ITGA4: variants seen among roughly 807,000 people sequenced by gnomAD.
ITGA4 encodes integrin alpha-4.
ITGA4 carries 63 observed loss-of-function variants against 133.6 expected under a neutral mutation model. That is an observed-to-expected ratio of 0.47 (90% CI 0.38 to 0.58). The LOEUF is 0.58. Among genes scored for constraint, ITGA4 ranks in the 20% least tolerant of loss-of-function variants. ITGA4 has a pLI of 0.00. For synonymous variants in ITGA4, 483 were observed against 438.0 expected (o/e 1.10, Z -1.28); for missense variants, 1,076 against 1,252.7 (o/e 0.86, Z 2.13).
In ITGA4 at chr2:181,511,786, G is replaced by T. The variant is rs749164663; in HGVS notation, c.1922+11G>T. On this transcript the variant is annotated intron_variant, in intron 17 of 27. Coordinates refer to ENST00000397033, the MANE Select transcript of ITGA4 (RefSeq NM_000885.6). ...GATTGGGTTTTTGAAGTAAGTATAT[G>T]TGGTATATAGTCTCTGTTATTCATC... The T allele has an allele frequency of 6.1e-6, 8 of 1,311,828 alleles. No individual in the cohort carries two copies. In the South Asian group the frequency reaches 9.6e-5, roughly 16 times the overall value. The allele number at this position is 1,311,828 out of a possible 1,614,324, so 81.3% of individuals were successfully genotyped here. A position where few individuals can be genotyped will look rare whatever the true frequency, so the allele number is the denominator to read the frequency against.
At chr2:181,467,746 T>C (rs1357297836) in intron 2 of ITGA4, among the ~76,000 whole-genome samples, 1 of 152,228 alleles carries the variant, frequency 6.6e-6, no homozygotes, top group East Asian at 1.9e-4. Context: ...GGAATATTTC[T>C]AGAGTTCTAT....
At chr2:181,477,306 C>T (rs538322001) in intron 4 of ITGA4, among the ~76,000 whole-genome samples, 1 of 151,896 alleles carries the variant, frequency 6.6e-6, no homozygotes, top group Non-Finnish European at 1.5e-5. Flanking sequence ...TTAGTCTAGG[C>T]AATGAGTTTT....
At chr2:181,467,865 T>C (rs1327471173) in intron 2 of ITGA4, among the ~76,000 whole-genome samples, 3 of 152,196 alleles carry the variant, frequency 2.0e-5, no homozygotes, top group Non-Finnish European at 4.4e-5. Flanking sequence ...CAATTTTCTC[T>C]TCTGTAGGGT....
chr2:181,479,156 T>C (rs1221139258), intron 5 of ITGA4: 2 of 171,720 alleles, frequency 1.2e-5, no homozygotes, highest in Non-Finnish European at 2.5e-5. Flanking sequence ...AAGTATGTTA[T>C]TTTAAATTTC....
At chr2:181,483,788 C>A (rs543497635) in intron 9 of ITGA4, among the ~76,000 whole-genome samples, 1 of 152,188 alleles carries the variant, frequency 6.6e-6, no homozygotes, top group Non-Finnish European at 1.5e-5. Context: ...GTACTTGCTA[C>A]ATCCTCGTGC....
Position 181,534,914 on chromosome 2 carries a change from G to A in ITGA4, c.2982G>A (p.Leu994=). Residue 994 remains leucine, a synonymous_variant, in exon 27 of 28, where the codon TTG becomes TTA. Coordinates refer to ENST00000397033, the MANE Select transcript of ITGA4 (RefSeq NM_000885.6). ...TACTTGGACTTATTGTACTTCTATT[G>A]ATCTCATATGTTATGTGGAAGGTAA... is the stretch of plus-strand genomic sequence containing the variant. ...SLLLGLIVLL[L]ISYVMWKAGF... 1 of 1,582,170 alleles carries A rather than the reference G, an allele frequency of 6.3e-7. No individual in the cohort carries two copies. The highest frequency in any genetic ancestry group is 1.2e-5 in the South Asian group (1 of 84,632).
In ITGA4 at chr2:181,458,096, G is replaced by T. The variant is rs773690250; in HGVS notation, c.198-100G>T. 5.7e-5 allele frequency: 86 copies of T among 1,517,530 alleles called. No homozygotes were observed. The Middle Eastern group carries it at 7.0e-4, about 12-fold the overall frequency. 94.0% of individuals were successfully genotyped at this position (1,517,530 alleles called of 1,614,324 possible). ...GGGGGTGGTGGGCGGAGGAGGAGGT[G>T]GGGAAGCTGCCCTGCTGCGGACTGC... is the stretch of plus-strand genomic sequence containing the variant. On this transcript the variant is annotated intron_variant, in intron 1 of 27. Coordinates refer to ENST00000397033, the MANE Select transcript of ITGA4 (RefSeq NM_000885.6).
rs1686059015 is a variant in ITGA4, at chr2:181,492,066, A to C, written c.1154-1259A>C. Among the ~76,000 whole-genome samples, 3 of 152,146 alleles carry C rather than the reference A, an allele frequency of 2.0e-5. No individual in the cohort carries two copies. In the South Asian group the frequency reaches 6.2e-4, roughly 31 times the overall value. ...TGTTATTAGTCTATTCTTACTTGCCATTCCTCCCCACTAGACAATGAGTTT... is the reference window on the plus strand; with the variant it reads ...TGTTATTAGTCTATTCTTACTTGCCCTTCCTCCCCACTAGACAATGAGTTT... On this transcript the variant is annotated intron_variant, in intron 10 of 27. Coordinates refer to ENST00000397033, the MANE Select transcript of ITGA4 (RefSeq NM_000885.6).
chr2:181,509,476 G>A (rs968797855), intron 15 of ITGA4, among the ~76,000 whole-genome samples, 182 bp from the exon 16 acceptor site: 5 of 151,892 alleles, frequency 3.3e-5, no homozygotes, highest in African/African-American at 7.3e-5. Context: ...CATAAGAAAC[G>A]TAAATGATTT....
intron 25 of ITGA4, among the ~76,000 whole-genome samples, chr2:181,533,022 CAAAT>C (rs940639579): frequency 9.2e-5 from 14 of 151,780 alleles, no homozygotes; most frequent in South Asian, 6.3e-4. Flanking sequence ...TTCATAAAAT[CAAAT>C]AAAATCAAAA....
chr2:181,500,099 C>T (rs1400549359), intron 15 of ITGA4, among the ~76,000 whole-genome samples: 3 of 152,146 alleles, frequency 2.0e-5, no homozygotes, highest in African/African-American at 4.8e-5. Context: ...GCCTTTGTAC[C>T]ATATTGCAAA....
chr2:181,479,607 TCTC>T (rs1292218393), intron 5 of ITGA4: 5 of 152,120 alleles, frequency 3.3e-5, no homozygotes, highest in African/African-American at 9.7e-5. Context: ...ATTCCAATCT[TCTC>T]CTAAATTTTC....
At chr2:181,527,267 G>T (rs1473007160) in intron 21 of ITGA4, 30 bp from the exon 22 acceptor site, 1 of 1,264,014 alleles carries the variant, frequency 7.9e-7, no homozygotes, top group Non-Finnish European at 1.2e-6. Flanking sequence ...GAATAAGACA[G>T]TTAATTAAAT....
rs1314597584 is a variant in ITGA4, at chr2:181,536,862, A to C, written c.*1335A>C. On this transcript the variant is annotated 3_prime_UTR_variant, in exon 28 of 28. Transcript: ENST00000397033. The stretch of plus-strand genomic sequence containing the variant: ...TGCCTTCATAAGAGAGCTGTGGCCG[A>C]ATTTTGAACATCTGTTATAGGGAGT... The C allele has an allele frequency of 2.5e-5, 11 of 432,090 alleles. No individual in the cohort carries two copies. Among genetic ancestry groups the C allele is most frequent in the African/African-American group, 2.0e-4 (10 of 49,392 alleles). 26.8% of individuals were successfully genotyped at this position (432,090 alleles called of 1,614,324 possible). A position where few individuals can be genotyped will look rare whatever the true frequency, so the allele number is the denominator to read the frequency against.
intron 15 of ITGA4, among the ~76,000 whole-genome samples, chr2:181,504,494 AAAG>A (rs1348633754): frequency 2.0e-5 from 3 of 152,068 alleles, no homozygotes; most frequent in Non-Finnish European, 4.4e-5. Flanking sequence ...CATTTACTCC[AAAG>A]AAGAAATTTT....
chr2:181,537,907 C>G lies in ITGA4; in HGVS notation c.*2380C>G. On this transcript the variant is annotated 3_prime_UTR_variant, in exon 28 of 28. Transcript: ENST00000397033. ...AATGGAGCATTACTGAGTTCCTCCC[C>G]CTGTCAGATCAGCAGCAGCATTAGA... 2 of 568,964 alleles carry G rather than the reference C, an allele frequency of 3.5e-6. No individual in the cohort carries two copies. The highest frequency in any genetic ancestry group is 6.7e-6 in the Non-Finnish European group (2 of 300,180). 35.2% of individuals were successfully genotyped at this position (568,964 alleles called of 1,614,324 possible).
Position 181,536,688 on chromosome 2 carries a change from A to AATATTTTTAT in ITGA4, c.*1163_*1172dup, listed in dbSNP as rs1237087584. ...ACAGCAAAATTTTCATGAAATGTAA[A>AATATTTTTAT]ATATTTTTATAGTTTGTTCATACTA... On this transcript the variant is annotated 3_prime_UTR_variant, in exon 28 of 28. Coordinates refer to ENST00000397033, the MANE Select transcript of ITGA4 (RefSeq NM_000885.6). 5.7e-6 allele frequency: 1 copy of AATATTTTTAT among 175,946 alleles called. No homozygotes were observed. The highest frequency in any genetic ancestry group is 1.2e-5 in the Non-Finnish European group (1 of 81,808). 10.9% of individuals were successfully genotyped at this position (175,946 alleles called of 1,614,324 possible).
intron 2 of ITGA4, among the ~76,000 whole-genome samples, chr2:181,472,072 A>G (rs1685566925): frequency 6.6e-6 from 1 of 152,228 alleles, no homozygotes; most frequent in Non-Finnish European, 1.5e-5. Flanking sequence ...GAAAGTGAGT[A>G]GTTTGTGGTG....
chr2:181,488,582 G>A (rs1291927668), intron 10 of ITGA4, among the ~76,000 whole-genome samples: 1 of 149,474 alleles, frequency 6.7e-6, no homozygotes, highest in Admixed American at 6.6e-5. Context: ...TTTTTGAGAT[G>A]GAGTCTCGCT....
Sources: gnomAD v4.1 joint callset for allele counts (sites outside exome capture counted in the v4.1 genomes callset) on GRCh38, gnomAD v4.1.1 for gene constraint, MANE v1.5 for transcripts, NCBI Gene and HGNC (gene_info 2026-07-23, HGNC 2026-07-21) for gene names.